The following PARD3B variants were observed in gnomAD, a reference collection of about 807,000 sequenced individuals.
The protein encoded by PARD3B is partitioning defective 3 homolog B.
Under a neutral mutation model 130.2 loss-of-function variants are expected in PARD3B, and 103 were observed. The observed-to-expected ratio is 0.79, with a 90% CI of 0.67 to 0.93. The LOEUF is 0.93. PARD3B is among the 40% of genes least tolerant of loss of function. The probability of loss-of-function intolerance (pLI) is 0.00; values close to 1 mark genes in which losing one functional copy is unlikely to be tolerated. For missense variants in PARD3B, 1,609 were observed against 1,499.2 expected (o/e 1.07, Z -1.21); for synonymous variants, 583 against 553.2 (o/e 1.05, Z -0.76).
chr2:204,933,545 C>A (rs1320936695), intron 2 of PARD3B, among the ~76,000 whole-genome samples: 1 of 152,128 alleles, frequency 6.6e-6, no homozygotes, highest in Non-Finnish European at 1.5e-5. Flanking sequence ...GATTTAGATT[C>A]TTTATTTAGA....
At chr2:205,240,551 T>C (rs1323489346) in intron 15 of PARD3B, among the ~76,000 whole-genome samples, 1 of 152,182 alleles carries the variant, frequency 6.6e-6, no homozygotes, top group Non-Finnish European at 1.5e-5. Context: ...TGAACACATT[T>C]GCATATTCCC....
At chr2:204,897,385 G>GTTTTTTTTTTTTTTTTTTTTTTTTTTTTT in intron 2 of PARD3B, among the ~76,000 whole-genome samples, 1 of 127,676 alleles carries the variant, frequency 7.8e-6, no homozygotes. Flanking sequence ...TGTAGGTACT[G>GTTTTTTTTTTTTTTTTTTTTTTTTTTTTT]TTTTTTTTTT....
intron 19 of PARD3B, among the ~76,000 whole-genome samples, chr2:205,425,211 G>A (rs942304274): frequency 2.6e-5 from 4 of 152,112 alleles, no homozygotes; most frequent in East Asian, 1.9e-4. Flanking sequence ...GTTGTTCCCC[G>A]TCACATCCCC....
chr2:204,720,649 T>A (rs914583789), intron 2 of PARD3B, among the ~76,000 whole-genome samples: 9 of 152,132 alleles, frequency 5.9e-5, no homozygotes, highest in African/African-American at 2.2e-4. Context: ...GAAAAAAACA[T>A]TGTCTACTTT....
intron 3 of PARD3B, among the ~76,000 whole-genome samples, chr2:205,035,871 T>C (rs1372350528): frequency 1.5e-5 from 2 of 132,518 alleles, no homozygotes; most frequent in Non-Finnish European, 3.1e-5. Context: ...ATGAGATATA[T>C]AAAATATATA....
intron 3 of PARD3B, among the ~76,000 whole-genome samples, chr2:204,997,999 A>G (rs919282893): frequency 9.3e-5 from 14 of 149,770 alleles, no homozygotes; most frequent in African/African-American, 3.2e-4. Context: ...CATATAATCA[A>G]TATTGAAAAG....
In PARD3B at chr2:205,409,063, G is replaced by T. The variant is rs550027142; in HGVS notation, c.2741+7940G>T. Among the ~76,000 whole-genome samples, 5 of 152,256 alleles carry T rather than the reference G, an allele frequency of 3.3e-5. No homozygotes were observed. In the South Asian group the frequency reaches 1.0e-3, roughly 32 times the overall value. Reference sequence around the variant, plus strand: ...TTTAGATCCTTATTAGATCATCACTGCATGGAAGTTATGAAAAATCTTACT... The same window carrying T: ...TTTAGATCCTTATTAGATCATCACTTCATGGAAGTTATGAAAAATCTTACT... On this transcript the variant is annotated intron_variant, in intron 19 of 22. Transcript: ENST00000406610.
chr2:204,932,383 C>A (rs569452857), intron 2 of PARD3B, among the ~76,000 whole-genome samples: 12 of 152,122 alleles, frequency 7.9e-5, no homozygotes, highest in Admixed American at 7.9e-4. Flanking sequence ...CATGTAAATT[C>A]TCCTTTAAAT....
At chr2:205,604,852 A>G (rs2054926272) in intron 22 of PARD3B, among the ~76,000 whole-genome samples, 1 of 152,172 alleles carries the variant, frequency 6.6e-6, no homozygotes, top group Non-Finnish European at 1.5e-5. Flanking sequence ...CTAATTAGTC[A>G]TAGGTTCAGT....
chr2:204,723,418 G>A lies in PARD3B; in HGVS notation c.222+37136G>A, dbSNP rs898860359. ...CTGAGTAAGCTAAAGACATTCAACT[G>A]TATTCTTTCAAATTTGCCAAAGAAC... On this transcript the variant is annotated intron_variant, in intron 2 of 22. Transcript: ENST00000406610. 2.6e-5 allele frequency among the ~76,000 whole-genome samples: 4 copies of A among 152,028 alleles called. No homozygotes were observed. In the South Asian group the frequency reaches 6.2e-4, roughly 24 times the overall value.
chr2:204,910,089 A>C (rs965646154), intron 2 of PARD3B, among the ~76,000 whole-genome samples: 1 of 152,196 alleles, frequency 6.6e-6, no homozygotes, highest in East Asian at 1.9e-4. Context: ...GTTCCGAGTA[A>C]AATGTCTTTG....
intron 2 of PARD3B, among the ~76,000 whole-genome samples, chr2:204,722,623 T>A (rs879528684): frequency 3.9e-5 from 6 of 152,198 alleles, no homozygotes; most frequent in African/African-American, 1.4e-4. Context: ...CTCTCATCGG[T>A]TGGACAGGTA....
At chr2:205,126,336 C>A (rs1048625387) in intron 10 of PARD3B, among the ~76,000 whole-genome samples, 9 of 152,114 alleles carry the variant, frequency 5.9e-5, no homozygotes, top group African/African-American at 1.7e-4. Flanking sequence ...GGAAAAAATT[C>A]ATGTACATTG....
At chr2:204,634,324 C>G (rs1337323136) in intron 1 of PARD3B, among the ~76,000 whole-genome samples, 1 of 152,184 alleles carries the variant, frequency 6.6e-6, no homozygotes, top group African/African-American at 2.4e-5. Context: ...AACAGGATCT[C>G]ATATTTTTAT....
At chr2:204,733,320 C>T (rs969696264) in intron 2 of PARD3B, among the ~76,000 whole-genome samples, 2 of 152,040 alleles carry the variant, frequency 1.3e-5, no homozygotes, top group African/African-American at 4.8e-5. Context: ...AAGATCTGTA[C>T]ATTACAAACT....
chr2:205,245,427 C>T (rs763891804), intron 15 of PARD3B, among the ~76,000 whole-genome samples: 15 of 152,036 alleles, frequency 9.9e-5, no homozygotes, highest in East Asian at 1.9e-4. Flanking sequence ...TGCTGTTATG[C>T]TGAAAGAATT....
At chr2:205,393,456 T>C (rs2045925421) in intron 18 of PARD3B, among the ~76,000 whole-genome samples, 1 of 152,200 alleles carries the variant, frequency 6.6e-6, no homozygotes, top group Admixed American at 6.5e-5. Flanking sequence ...ACTTTAATAG[T>C]AGCGATGACT....
At chr2:205,081,635 A>G (rs1040459806) in intron 4 of PARD3B, among the ~76,000 whole-genome samples, 7 of 151,928 alleles carry the variant, frequency 4.6e-5, no homozygotes, top group South Asian at 4.1e-4. Context: ...TTTGTCAAAT[A>G]TTTTTTCTAC....
At chr2:205,031,570 C>CTA (rs1697427093) in intron 3 of PARD3B, among the ~76,000 whole-genome samples, 1 of 152,000 alleles carries the variant, frequency 6.6e-6, no homozygotes, top group Admixed American at 6.6e-5. Flanking sequence ...AGTGGTAGGC[C>CTA]TATGTTGTTG....
Sources: gnomAD v4.1 joint callset for allele counts (sites outside exome capture counted in the v4.1 genomes callset) on GRCh38, gnomAD v4.1.1 for gene constraint, MANE v1.5 for transcripts, NCBI Gene and HGNC (gene_info 2026-07-23, HGNC 2026-07-21) for gene names.